CPEB1: variants seen among roughly 807,000 people sequenced by gnomAD.
CPEB1 encodes cytoplasmic polyadenylation element-binding protein 1.
A neutral mutation model predicts 65.8 loss-of-function variants in CPEB1; 7 were observed. The ratio of observed to expected loss-of-function variants is 0.11; its 90% CI spans 0.06 to 0.20. The LOEUF (loss-of-function observed/expected upper bound fraction) is 0.20, where lower values mean the gene tolerates loss of function less well. Among genes scored for constraint, CPEB1 ranks in the 10% least tolerant of loss-of-function variants. The probability of loss-of-function intolerance (pLI) is 1.00; values close to 1 mark genes in which losing one functional copy is unlikely to be tolerated. For missense variants in CPEB1, 551 were observed against 712.2 expected, an observed-to-expected ratio of 0.77 and a Z score of 2.58; for synonymous variants, 262 against 260.0, an observed-to-expected ratio of 1.01 and a Z score of -0.08.
At chr15:82,634,561 G>A (rs2046505858) in intron 1 of CPEB1, among the ~76,000 whole-genome samples, 1 of 152,186 alleles carries the variant, frequency 6.6e-6, no homozygotes, top group Non-Finnish European at 1.5e-5. Context: ...TGGATTAATA[G>A]CCAGTTGAGA....
intron 10 of CPEB1, among the ~76,000 whole-genome samples, chr15:82,547,910 C>T (rs761862258): frequency 3.3e-5 from 5 of 152,026 alleles, no homozygotes; most frequent in Admixed American, 6.5e-5. Flanking sequence ...TGGACTCAAA[C>T]GATCTGCCCC....
At chr15:82,643,989 A>C (rs587757297) in intron 1 of CPEB1, among the ~76,000 whole-genome samples, 1 of 152,210 alleles carries the variant, frequency 6.6e-6, no homozygotes, top group African/African-American at 2.4e-5. Flanking sequence ...AGAAAAAGTT[A>C]GTACTGAAAT....
chr15:82,596,697 C>CAA (rs59895391), intron 3 of CPEB1, among the ~76,000 whole-genome samples: 26 of 88,994 alleles, frequency 2.9e-4, no homozygotes, highest in South Asian at 3.8e-4. Context: ...GACTCTGTCT[C>CAA]AAAAAAAAAA....
In CPEB1 at chr15:82,593,948, C is replaced by A. The variant is rs543484080; in HGVS notation, c.272-22416G>T. On this transcript the variant is annotated intron_variant, in intron 3 of 12. Transcript: ENST00000684509. ...TTTAAACATTCAGTTAGCCATAGTG[C>A]AAACAGATGTGCTGTCATGACTTTA... is the stretch of plus-strand genomic sequence containing the variant. Among the ~76,000 whole-genome samples, 48 of 152,254 alleles carry A rather than the reference C, an allele frequency of 3.2e-4. No homozygotes were observed. In the South Asian group the frequency reaches 8.9e-3, roughly 28 times the overall value.
At chr15:82,639,340 T>C (rs891592819) in intron 1 of CPEB1, among the ~76,000 whole-genome samples, 1 of 152,140 alleles carries the variant, frequency 6.6e-6, no homozygotes, top group African/African-American at 2.4e-5. Flanking sequence ...CACAGAACAT[T>C]TCCAACACTC....
chr15:82,565,332 G>A (rs1260407979), intron 4 of CPEB1, among the ~76,000 whole-genome samples: 2 of 152,166 alleles, frequency 1.3e-5, no homozygotes. Flanking sequence ...GAAGTGGGGG[G>A]ACCTCATTTC....
At chr15:82,616,933 C>T (rs79520077) in intron 3 of CPEB1, among the ~76,000 whole-genome samples, 1,952 of 152,272 alleles carry the variant, frequency 0.013, 34 homozygotes, top group African/African-American at 0.043. Flanking sequence ...TACATACCCA[C>T]GAAACCATCA....
chr15:82,602,072 T>A lies in CPEB1; in HGVS notation c.271+25121A>T, dbSNP rs192520491. ...GCTCAGTACACTGTCTTTATAAGTA[T>A]ATCTAGAACATTTAACAAAGTAGAG... On this transcript the variant is annotated intron_variant, in intron 3 of 12. Transcript: ENST00000684509. 1.2e-3 allele frequency among the ~76,000 whole-genome samples: 190 copies of A among 152,312 alleles called. 1 individual carries two copies. The highest frequency in any genetic ancestry group is 1.2e-3 in the African/African-American group (48 of 41,554).
At chr15:82,617,708 T>C (rs967083834) in intron 3 of CPEB1, among the ~76,000 whole-genome samples, 1 of 151,108 alleles carries the variant, frequency 6.6e-6, no homozygotes, top group Admixed American at 6.6e-5. Context: ...TATTAATTGT[T>C]ATTAATTCTA....
At chr15:82,585,661 T>C (rs973946674) in intron 3 of CPEB1, among the ~76,000 whole-genome samples, 2 of 152,206 alleles carry the variant, frequency 1.3e-5, no homozygotes, top group Non-Finnish European at 1.5e-5. Flanking sequence ...TCCCCCACCA[T>C]GCCCTTTATA....
rs3080692 is a variant in CPEB1 at position 82,584,903 on chromosome 15, C to CTTTTTTTTTTTTTTTT, written c.272-13387_272-13372dup. On this transcript the variant is annotated intron_variant, in intron 3 of 12. Transcript: ENST00000684509. ...GACATAATTTTTTTTTCCTAATTTGCTTTTTTTTTTTTTTTTTTTACAGTG... is the reference window on the plus strand; with the variant it reads ...GACATAATTTTTTTTTCCTAATTTGCTTTTTTTTTTTTTTTTTTTTTTTTTTTTTTTTTTTACAGTG... Among the ~76,000 whole-genome samples, 168 of 81,710 alleles carry CTTTTTTTTTTTTTTTT rather than the reference C, an allele frequency of 2.1e-3. 25 individuals are homozygous for CTTTTTTTTTTTTTTTT. The highest frequency in any genetic ancestry group is 0.02 in the Middle Eastern group (2 of 102). The allele number at this position is 81,710 out of a possible 152,430, so 53.6% of individuals were successfully genotyped here.
At chr15:82,619,950 A>T (rs1291870512) in intron 3 of CPEB1, among the ~76,000 whole-genome samples, 1 of 152,190 alleles carries the variant, frequency 6.6e-6, no homozygotes, top group East Asian at 1.9e-4. Flanking sequence ...TCACCAAAAG[A>T]TAATAGCAGC....
At chr15:82,560,324 T>C (rs1054086950) in intron 4 of CPEB1, among the ~76,000 whole-genome samples, 1 of 152,074 alleles carries the variant, frequency 6.6e-6, no homozygotes, top group East Asian at 1.9e-4. Context: ...GTTAGGGTGA[T>C]GAACAGTGAG....
intron 3 of CPEB1, among the ~76,000 whole-genome samples, chr15:82,603,240 T>C (rs1051784462): frequency 3.9e-5 from 6 of 152,096 alleles, no homozygotes; most frequent in Admixed American, 2.0e-4. Context: ...CCTCAATGAA[T>C]TGTCATTACT....
chr15:82,588,795 C>A (rs541960550), intron 3 of CPEB1, among the ~76,000 whole-genome samples: 2 of 152,274 alleles, frequency 1.3e-5, no homozygotes, highest in South Asian at 4.2e-4. Context: ...TCTTTGTACC[C>A]TTACCAAATT....
chr15:82,573,099 G>A (rs2040256934), intron 3 of CPEB1: 11 of 1,535,596 alleles, frequency 7.2e-6, no homozygotes, highest in Non-Finnish European at 9.6e-6. Flanking sequence ...GCCCACCTGG[G>A]ACCTCCCATG....
At chr15:82,562,121 T>A (rs1052111767) in intron 4 of CPEB1, 39 of 436,280 alleles carry the variant, frequency 8.9e-5, no homozygotes, top group Non-Finnish European at 1.7e-4. Flanking sequence ...AGAGACTGGA[T>A]GCTTTCCCAC....
At chr15:82,560,263 G>A (rs1201822145) in intron 4 of CPEB1, among the ~76,000 whole-genome samples, 1 of 152,310 alleles carries the variant, frequency 6.6e-6, no homozygotes. Flanking sequence ...TCTTAAAAGT[G>A]GTACCAATGC....
intron 10 of CPEB1, chr15:82,548,611 C>G (rs1201309809): frequency 2.5e-6 from 1 of 398,786 alleles, no homozygotes; most frequent in Non-Finnish European, 5.1e-6. Context: ...AGATAGAACA[C>G]TTGTCTGAAG....
Sources: gnomAD v4.1 joint callset for allele counts (sites outside exome capture counted in the v4.1 genomes callset) on GRCh38, gnomAD v4.1.1 for gene constraint, MANE v1.5 for transcripts, NCBI Gene and HGNC (gene_info 2026-07-23, HGNC 2026-07-21) for gene names.